LIMD1: variants seen among roughly 807,000 people sequenced by gnomAD.
LIMD1 encodes the protein LIM domain containing 1.
LIMD1 carries 23 observed loss-of-function variants against 58.4 expected under a neutral mutation model. The ratio of observed to expected loss-of-function variants is 0.39; its 90% CI spans 0.28 to 0.56. The LOEUF (loss-of-function observed/expected upper bound fraction) is 0.56. Ranked by LOEUF, LIMD1 falls within the 20% of genes least tolerant of loss-of-function variation. The pLI, the probability that LIMD1 is intolerant of heterozygous loss-of-function variation, is 0.57. For synonymous variants in LIMD1, 334 were observed against 345.5 expected (o/e 0.97, Z 0.37); for missense variants, 838 against 855.5 (o/e 0.98, Z 0.25).
At chr3:45,662,983 C>CAAA (rs200455107) in intron 2 of LIMD1, among the ~76,000 whole-genome samples, 10 of 126,596 alleles carry the variant, frequency 7.9e-5, no homozygotes, top group African/African-American at 2.9e-4. Context: ...GACTCCGTCT[C>CAAA]AAAAAAAAAA....
chr3:45,624,273 GGTGGT>G (rs141743977), intron 1 of LIMD1, among the ~76,000 whole-genome samples: 5,071 of 152,236 alleles, frequency 0.033, 126 homozygotes, highest in Non-Finnish European at 0.049. Context: ...CATGATGTCT[GGTGGT>G]GTGGTGGGGG....
intron 1 of LIMD1, among the ~76,000 whole-genome samples, chr3:45,607,733 G>A (rs1340015310): frequency 6.6e-6 from 1 of 152,162 alleles, no homozygotes; most frequent in Non-Finnish European, 1.5e-5. Flanking sequence ...ATTCCAGCAG[G>A]CCCGAGCTGG....
chr3:45,663,654 T>C (rs1220688103), intron 2 of LIMD1, among the ~76,000 whole-genome samples: 1 of 152,190 alleles, frequency 6.6e-6, no homozygotes, highest in Non-Finnish European at 1.5e-5. Flanking sequence ...TGCCCTTTGC[T>C]CATTTCCCCA....
intron 1 of LIMD1, among the ~76,000 whole-genome samples, chr3:45,612,673 C>G (rs1701536912): frequency 6.6e-6 from 1 of 152,172 alleles, no homozygotes; most frequent in Non-Finnish European, 1.5e-5. Context: ...ATGCTTCTTT[C>G]CAGTTAGTGC....
chr3:45,625,803 C>G (rs1376570968), intron 1 of LIMD1, among the ~76,000 whole-genome samples: 1 of 152,180 alleles, frequency 6.6e-6, no homozygotes, highest in Non-Finnish European at 1.5e-5. Flanking sequence ...CTTGGACTTC[C>G]CAGCCTCTAG....
intron 2 of LIMD1, among the ~76,000 whole-genome samples, chr3:45,640,816 G>C (rs959910726): frequency 6.6e-6 from 1 of 152,234 alleles, no homozygotes; most frequent in Admixed American, 6.5e-5. Context: ...AGTTGCTGAA[G>C]GAATGAGGAT....
intron 2 of LIMD1, among the ~76,000 whole-genome samples, chr3:45,662,085 C>A (rs1442466935): frequency 6.6e-6 from 1 of 152,152 alleles, no homozygotes; most frequent in Non-Finnish European, 1.5e-5. Flanking sequence ...ATGAGGAAAG[C>A]TAAAGATTTT....
chr3:45,660,405 CTTTTT>C (rs869301368), intron 2 of LIMD1, among the ~76,000 whole-genome samples: 4,457 of 80,082 alleles, frequency 0.056, 106 homozygotes, highest in African/African-American at 0.074. Flanking sequence ...GGTGGGCTGT[CTTTTT>C]TTTTTTTTTT....
At chr3:45,666,869 A>G (rs537481408) in intron 3 of LIMD1, among the ~76,000 whole-genome samples, 4 of 152,328 alleles carry the variant, frequency 2.6e-5, no homozygotes, top group Admixed American at 2.0e-4. Context: ...AGATGCAGAG[A>G]TGGGCTCAGG....
At chr3:45,661,670 G>A (rs1199381127) in intron 2 of LIMD1, among the ~76,000 whole-genome samples, 3 of 152,212 alleles carry the variant, frequency 2.0e-5, no homozygotes, top group African/African-American at 7.2e-5. Context: ...GTGTGAACAA[G>A]TATCTGTTTG....
chr3:45,667,633 T>C (rs1304627524), intron 3 of LIMD1, among the ~76,000 whole-genome samples: 1 of 151,158 alleles, frequency 6.6e-6, no homozygotes, highest in African/African-American at 2.4e-5. Flanking sequence ...TAAGGTAAGG[T>C]AAAGTAGATA....
rs1459827990 is a variant in LIMD1 at position 45,673,461 on chromosome 3, G to A, written c.1780G>A (p.Ala594Thr). ...YCVRDYHKVL[A>T]PKCAACGLPI... ...CTTTGTTTCTCCCCACAGGGTGCTG[G>A]CCCCCAAGTGTGCAGCCTGTGGGCT... Residue 594 changes from alanine to threonine, a missense_variant, in exon 6 of 8, where the codon GCC becomes ACC. Physicochemically the swap from Ala to Thr is moderately conservative, Grantham distance 58 (BLOSUM62 0). Around this residue, in one of 3 missense-constraint regions of LIMD1, gnomAD observed 174 missense variants for 197.4 expected, o/e 0.88. Coordinates refer to ENST00000273317, the MANE Select transcript of LIMD1 (RefSeq NM_014240.3). 3 of 1,613,828 alleles carry A rather than the reference G, an allele frequency of 1.9e-6. No homozygotes were observed. The highest frequency in any genetic ancestry group is 2.5e-6 in the Non-Finnish European group (3 of 1,179,794).
intron 1 of LIMD1, among the ~76,000 whole-genome samples, chr3:45,617,559 C>G (rs982773060): frequency 2.6e-5 from 4 of 152,228 alleles, no homozygotes; most frequent in African/African-American, 9.6e-5. Context: ...CTCCATTTCT[C>G]CTCCTCCCAG....
chr3:45,619,432 A>G (rs1348922732), intron 1 of LIMD1, among the ~76,000 whole-genome samples: 1 of 152,234 alleles, frequency 6.6e-6, no homozygotes, highest in Non-Finnish European at 1.5e-5. Context: ...TACTTACACT[A>G]AAAATACTTG....
At chr3:45,639,474 A>G in intron 2 of LIMD1, among the ~76,000 whole-genome samples, 1 of 152,162 alleles carries the variant, frequency 6.6e-6, no homozygotes, top group Non-Finnish European at 1.5e-5. Flanking sequence ...GATGCTGGAA[A>G]GTCCAAGATC....
At chr3:45,604,416 A>G (rs1188596007) in intron 1 of LIMD1, among the ~76,000 whole-genome samples, 1 of 152,114 alleles carries the variant, frequency 6.6e-6, no homozygotes, top group African/African-American at 2.4e-5. Context: ...AAGCTCTCAA[A>G]CTTCATTTAG....
intron 1 of LIMD1, among the ~76,000 whole-genome samples, chr3:45,625,769 C>T (rs1019512731): frequency 2.6e-5 from 4 of 152,174 alleles, no homozygotes; most frequent in African/African-American, 4.8e-5. Flanking sequence ...TAAGAAGGCC[C>T]TTGGCAGATA....
intron 1 of LIMD1, among the ~76,000 whole-genome samples, chr3:45,632,864 G>T (rs922207704): frequency 6.6e-6 from 1 of 152,170 alleles, no homozygotes; most frequent in Non-Finnish European, 1.5e-5. Context: ...AGCAGCAGCC[G>T]CGACACCACT....
intron 1 of LIMD1, among the ~76,000 whole-genome samples, chr3:45,609,775 G>A (rs912824166): frequency 4.6e-5 from 7 of 152,218 alleles, no homozygotes; most frequent in African/African-American, 1.7e-4. Context: ...GTCACAAACA[G>A]GTATTGCTTA....
Sources: allele counts gnomAD v4.1 joint callset (sites outside exome capture counted in the v4.1 genomes callset), GRCh38; gene constraint gnomAD v4.1.1; regional missense constraint gnomAD v4.1.1; transcripts MANE v1.5; gene names NCBI Gene and HGNC (gene_info 2026-07-23, HGNC 2026-07-21).